Variants in ANKRD36B observed in about 807,000 individuals in gnomAD.
The protein encoded by ANKRD36B is ankyrin repeat domain 36B, also known as ankyrin repeat domain-containing protein 36B.
In ANKRD36B, 37 loss-of-function variants were observed where a neutral mutation model predicts 135.7. The ratio of observed to expected loss-of-function variants is 0.27; its 90% CI spans 0.21 to 0.36. The LOEUF (loss-of-function observed/expected upper bound fraction) is 0.36. Among genes scored for constraint, ANKRD36B ranks in the 10% least tolerant of loss-of-function variants. The pLI is 1.00. For missense variants in ANKRD36B, 549 were observed against 1,037.1 expected (o/e 0.53, Z 6.46); for synonymous variants, 179 against 348.1 (o/e 0.51, Z 5.41).
chr2:97,547,514 T>C, intron 22 of ANKRD36B, 22 bp downstream of exon 22: 2 of 1,532,856 alleles, frequency 1.3e-6, no homozygotes, highest in Non-Finnish European at 8.9e-7. Flanking sequence ...GAACATGACA[T>C]TAAATCTCTT....
intron 6 of ANKRD36B, among the ~76,000 whole-genome samples, chr2:97,561,981 C>T (rs2081066186): frequency 8.2e-6 from 1 of 121,698 alleles, no homozygotes; most frequent in African/African-American, 2.7e-5. Context: ...TGCAAATATT[C>T]TAAATGCATC....
At position 97,547,456 on chromosome 2, in the gene ANKRD36B, C is replaced by T. The variant is rs192734434; in HGVS notation, c.1579+80G>A. On this transcript the variant is annotated intron_variant, in intron 22 of 43. Coordinates refer to ENST00000359901, the MANE Select transcript of ANKRD36B (RefSeq NM_001393939.1). ...AATCAGAATGTGCAGCTTCAACGAG[C>T]CCCCCGCAGATTTATTCAGGGAAGA... 1.3e-5 allele frequency: 18 copies of T among 1,370,888 alleles called. No individual in the cohort carries two copies. The Admixed American group carries it at 1.9e-4, about 14-fold the overall frequency. The allele number at this position is 1,370,888 out of a possible 1,614,324, so 84.9% of individuals were successfully genotyped here.
In ANKRD36B at chr2:97,523,840, A is replaced by G. The variant is rs1029677246; in HGVS notation, c.2266-373T>C. 4.5e-4 allele frequency: 30 copies of G among 66,902 alleles called. 5 individuals carry two copies. Among genetic ancestry groups the G allele is most frequent in the African/African-American group, 1.3e-3 (30 of 22,778 alleles). 4.1% of individuals were successfully genotyped at this position (66,902 alleles called of 1,614,324 possible). A position where few individuals can be genotyped will look rare whatever the true frequency, so the allele number is the denominator to read the frequency against. The stretch of plus-strand genomic sequence containing the variant: ...ACAAGAGATTTTCATAAGTAAAAAA[A>G]TTCAAATGGATCAAATAATTGGTGA... On this transcript the variant is annotated intron_variant, in intron 35 of 43. Transcript: ENST00000359901.
intron 6 of ANKRD36B, among the ~76,000 whole-genome samples, chr2:97,569,527 G>C (rs2081680885): frequency 6.6e-6 from 1 of 151,550 alleles, no homozygotes; most frequent in South Asian, 2.1e-4. Flanking sequence ...AATACCAAGA[G>C]GGAACTTAAA....
At chr2:97,509,019 C>T (rs1379617156) in intron 40 of ANKRD36B, among the ~76,000 whole-genome samples, 9 of 103,930 alleles carry the variant, frequency 8.7e-5, no homozygotes, top group Admixed American at 8.0e-4. Context: ...GAGCCCAATA[C>T]AAAGGAAGTA....
In ANKRD36B at chr2:97,543,726, C is replaced by T. The variant is rs375619368; in HGVS notation, c.1783+64G>A. On this transcript the variant is annotated intron_variant, in intron 26 of 43. Transcript: ENST00000359901. The stretch of plus-strand genomic sequence containing the variant: ...TTGATGAGCCCCACACTGATTTGTT[C>T]GGGGAAGAGAAGTACTTTTCTATCT... The T allele has an allele frequency of 5.9e-3, 796 of 135,792 alleles. 91 individuals are homozygous for T. Among genetic ancestry groups the T allele is most frequent in the East Asian group, 0.045 (407 of 9,032 alleles). 8.4% of individuals were successfully genotyped at this position (135,792 alleles called of 1,614,324 possible). A position where few individuals can be genotyped will look rare whatever the true frequency, so the allele number is the denominator to read the frequency against.
chr2:97,559,027 A>G (rs1178922719), intron 8 of ANKRD36B, 33 bp from the exon 9 acceptor site: 3 of 1,602,170 alleles, frequency 1.9e-6, no homozygotes, highest in South Asian at 1.1e-5. Context: ...AATCACTCAC[A>G]TGTACATATG....
intron 5 of ANKRD36B, among the ~76,000 whole-genome samples, chr2:97,576,905 A>T (rs1157830337): frequency 6.6e-6 from 1 of 152,088 alleles, no homozygotes; most frequent in African/African-American, 2.4e-5. Context: ...TATCGCTGAA[A>T]CTATTTTGAA....
At chr2:97,570,711 C>T (rs1418608628) in intron 6 of ANKRD36B, among the ~76,000 whole-genome samples, 1 of 152,186 alleles carries the variant, frequency 6.6e-6, no homozygotes, top group Non-Finnish European at 1.5e-5. Context: ...CTTGGCTTCC[C>T]CAAGACTTGC....
chr2:97,577,204 ACT>A (rs879474344), intron 5 of ANKRD36B, among the ~76,000 whole-genome samples: 7 of 143,890 alleles, frequency 4.9e-5, no homozygotes, highest in Admixed American at 1.4e-4. Context: ...TTCTCTACAG[ACT>A]CTAACTGAAT....
intron 6 of ANKRD36B, among the ~76,000 whole-genome samples, chr2:97,573,954 A>T (rs1478415389): frequency 6.6e-6 from 1 of 152,188 alleles, no homozygotes; most frequent in Non-Finnish European, 1.5e-5. Flanking sequence ...AACCTAGGCA[A>T]TACCATTCAG....
chr2:97,580,667 T>G, intron 3 of ANKRD36B, 99 bp from the exon 4 acceptor site: 5 of 1,160,004 alleles, frequency 4.3e-6, no homozygotes, highest in Non-Finnish European at 6.0e-6. Flanking sequence ...ATATATACAA[T>G]TGAAAGGTCG....
chr2:97,564,720 C>T (rs1266941773), intron 6 of ANKRD36B, among the ~76,000 whole-genome samples: 7 of 152,006 alleles, frequency 4.6e-5, no homozygotes, highest in East Asian at 1.9e-4. Context: ...CTGTTCTGTT[C>T]CATTGGTCTA....
At chr2:97,559,256 A>G (rs574828204) in intron 8 of ANKRD36B, among the ~76,000 whole-genome samples, 3 of 152,032 alleles carry the variant, frequency 2.0e-5, no homozygotes, top group African/African-American at 7.2e-5. Flanking sequence ...AACCGTGTCA[A>G]TATCAATGTG....
chr2:97,526,662 T>A (rs181527227), intron 35 of ANKRD36B, among the ~76,000 whole-genome samples: 2 of 95,614 alleles, frequency 2.1e-5, no homozygotes, highest in East Asian at 2.3e-4. Context: ...TTGAAAAAAA[T>A]TTAGATGAAT....
intron 10 of ANKRD36B, among the ~76,000 whole-genome samples, chr2:97,558,074 G>A (rs530865081): frequency 6.6e-6 from 1 of 151,980 alleles, no homozygotes; most frequent in South Asian, 2.1e-4. Context: ...GAAAAGCAAA[G>A]CCAATATACG....
At chr2:97,562,234 T>C (rs1008192028) in intron 6 of ANKRD36B, among the ~76,000 whole-genome samples, 1 of 151,814 alleles carries the variant, frequency 6.6e-6, no homozygotes, top group Non-Finnish European at 1.5e-5. Flanking sequence ...AACCAACCAA[T>C]ATGACATAAT....
Position 97,589,715 on chromosome 2 carries a change from C to T in ANKRD36B, c.-30G>A. ...GTGGGCCACCTCTCCCGCTCGTCGTCTTCCTTAATCGTCGGCTGCAAATTG... is the reference window on the plus strand; with the variant it reads ...GTGGGCCACCTCTCCCGCTCGTCGTTTTCCTTAATCGTCGGCTGCAAATTG... On this transcript the variant is annotated 5_prime_UTR_variant, in exon 1 of 44. Coordinates refer to ENST00000359901, the MANE Select transcript of ANKRD36B (RefSeq NM_001393939.1). 6.2e-7 allele frequency: 1 copy of T among 1,613,872 alleles called. No homozygotes were observed. Among genetic ancestry groups the T allele is most frequent in the African/African-American group, 1.3e-5 (1 of 74,982 alleles).
At chr2:97,564,457 C>T (rs569172275) in intron 6 of ANKRD36B, among the ~76,000 whole-genome samples, 52 of 152,108 alleles carry the variant, frequency 3.4e-4, no homozygotes, top group Non-Finnish European at 5.0e-4. Context: ...TTGCCCATGC[C>T]TATGTCCTGA....
Sources: gnomAD v4.1 joint callset for allele counts (sites outside exome capture counted in the v4.1 genomes callset) on GRCh38, gnomAD v4.1.1 for gene constraint, MANE v1.5 for transcripts, NCBI Gene and HGNC (gene_info 2026-07-23, HGNC 2026-07-21) for gene names.